The following ALX4 variants were observed in gnomAD, a reference collection of about 807,000 sequenced individuals.
ALX4 encodes the protein ALX homeobox 4.
In ALX4, 22 loss-of-function variants were observed where a neutral mutation model predicts 40.6. That is an observed-to-expected ratio of 0.54 (90% CI 0.39 to 0.77). The LOEUF is 0.77. Among genes scored for constraint, ALX4 ranks in the 30% least tolerant of loss-of-function variants. ALX4 has a pLI of 0.00. For synonymous variants in ALX4, 266 were observed against 240.5 expected (o/e 1.11, Z -0.98); for missense variants, 556 against 564.8 (o/e 0.98, Z 0.16).
At position 44,290,289 on chromosome 11, in the gene ALX4, A is replaced by T. The variant is rs547100501; in HGVS notation, c.467-14631T>A. ...CGAGATGGAGGAGCTTAGATCCTGCACGAGGCAAAATGAAATGATTGAGAA... is the reference window on the plus strand; with the variant it reads ...CGAGATGGAGGAGCTTAGATCCTGCTCGAGGCAAAATGAAATGATTGAGAA... On this transcript the variant is annotated intron_variant, in intron 1 of 3. Transcript: ENST00000652299. Among the ~76,000 whole-genome samples, 17 of 152,388 alleles carry T rather than the reference A, an allele frequency of 1.1e-4. No homozygotes were observed. In the South Asian group the frequency reaches 3.5e-3, roughly 32 times the overall value.
chr11:44,281,136 G>A (rs9804426), intron 1 of ALX4, among the ~76,000 whole-genome samples: 99,074 of 150,900 alleles, frequency 0.66, 32,751 homozygotes, highest in South Asian at 0.78. Context: ...TTTTTTGGCC[G>A]TGATTTAAAG....
Position 44,267,438 on chromosome 11 carries a change from A to G in ALX4, c.906+56T>C, listed in dbSNP as rs994505137. Reference sequence around the variant, plus strand: ...GCCTGGGCTCTCCTCCAAGGGGCTCATTCTCAGAGCACCAGGGGCTGGGGA... The same window carrying G: ...GCCTGGGCTCTCCTCCAAGGGGCTCGTTCTCAGAGCACCAGGGGCTGGGGA... On this transcript the variant is annotated intron_variant, in intron 3 of 3. Coordinates refer to ENST00000652299, the MANE Select transcript of ALX4 (RefSeq NM_021926.4). The G allele has an allele frequency of 7.5e-5, 120 of 1,607,392 alleles. No homozygotes were observed. The Middle Eastern group carries it at 1.6e-3, about 21-fold the overall frequency.
chr11:44,265,247 C>G, intron 3 of ALX4, 64 bp from the exon 4 acceptor site: 1 of 1,443,708 alleles, frequency 6.9e-7, no homozygotes, highest in South Asian at 1.4e-5. Context: ...GGGGCTCGCC[C>G]CTTCCCCCAG....
intron 1 of ALX4, among the ~76,000 whole-genome samples, chr11:44,282,378 T>G (rs1358559951): frequency 3.3e-5 from 5 of 152,176 alleles, no homozygotes; most frequent in Admixed American, 6.5e-5. Flanking sequence ...CACCCGGAAC[T>G]CCCATCCATC....
At chr11:44,278,759 G>C (rs900261978) in intron 1 of ALX4, among the ~76,000 whole-genome samples, 5 of 152,210 alleles carry the variant, frequency 3.3e-5, no homozygotes, top group Non-Finnish European at 5.9e-5. Context: ...TACAAATAGG[G>C]AGAGCGGGGT....
At chr11:44,307,568 T>C (rs1956476487) in intron 1 of ALX4, among the ~76,000 whole-genome samples, 1 of 152,208 alleles carries the variant, frequency 6.6e-6, no homozygotes, top group Admixed American at 6.5e-5. Flanking sequence ...CACTGGTAAT[T>C]TTCATTAAAA....
intron 1 of ALX4, among the ~76,000 whole-genome samples, chr11:44,308,156 CTTGGGGTATGACCACA>C (rs1033633941): frequency 1.3e-5 from 2 of 152,174 alleles, no homozygotes; most frequent in African/African-American, 4.8e-5. Context: ...GGCATGTGTT[CTTGGGGTATGACCACA>C]TCGGCTCCTA....
chr11:44,291,059 C>A (rs1174108779), intron 1 of ALX4, among the ~76,000 whole-genome samples: 1 of 152,146 alleles, frequency 6.6e-6, no homozygotes, highest in Non-Finnish European at 1.5e-5. Flanking sequence ...GTTTCCCGAG[C>A]GGCAGCTCCC....
intron 1 of ALX4, among the ~76,000 whole-genome samples, chr11:44,300,059 C>A (rs1432976618): frequency 6.6e-6 from 1 of 152,164 alleles, no homozygotes; most frequent in African/African-American, 2.4e-5. Context: ...TTGTCTCTGT[C>A]CTGTAGATGG....
intron 1 of ALX4, among the ~76,000 whole-genome samples, chr11:44,303,920 C>T (rs1394642769): frequency 6.6e-6 from 1 of 152,166 alleles, no homozygotes; most frequent in Non-Finnish European, 1.5e-5. Context: ...ATGGGGGTGT[C>T]CCCGGTTTAT....
intron 2 of ALX4, among the ~76,000 whole-genome samples, chr11:44,272,501 C>A (rs1378910837): frequency 2.1e-5 from 2 of 94,726 alleles, no homozygotes; most frequent in Admixed American, 1.2e-4. Context: ...AAGACTCTGT[C>A]TAAAAAAAAA....
At chr11:44,292,089 T>C (rs1410261322) in intron 1 of ALX4, among the ~76,000 whole-genome samples, 3 of 152,140 alleles carry the variant, frequency 2.0e-5, no homozygotes, top group Non-Finnish European at 2.9e-5. Context: ...AGTGCTGGGA[T>C]TACAGGTGTG....
chr11:44,305,558 A>T (rs1343424674), intron 1 of ALX4, among the ~76,000 whole-genome samples: 2 of 152,198 alleles, frequency 1.3e-5, no homozygotes, highest in Non-Finnish European at 2.9e-5. Flanking sequence ...CGTCTCTTGT[A>T]TACAAAACAC....
chr11:44,268,976 A>C lies in ALX4; in HGVS notation c.778-1354T>G, dbSNP rs550412873. Reference sequence around the variant, plus strand: ...GCCCTTCCAGGCCCAGGCATCAAGAAAGCCAACTTTCCTGAGGTCCAGTCC... The same window carrying C: ...GCCCTTCCAGGCCCAGGCATCAAGACAGCCAACTTTCCTGAGGTCCAGTCC... On this transcript the variant is annotated intron_variant, in intron 2 of 3. Transcript: ENST00000652299. 9.8e-5 allele frequency among the ~76,000 whole-genome samples: 15 copies of C among 152,366 alleles called. No homozygotes were observed. In the South Asian group the frequency reaches 3.1e-3, roughly 32 times the overall value.
chr11:44,285,352 C>T (rs1360748855), intron 1 of ALX4, among the ~76,000 whole-genome samples: 9 of 152,234 alleles, frequency 5.9e-5, no homozygotes, highest in Admixed American at 2.0e-4. Flanking sequence ...TTAATGGTTA[C>T]GTAGCGAGAA....
intron 1 of ALX4, among the ~76,000 whole-genome samples, chr11:44,292,832 A>G (rs1015481666): frequency 2.0e-5 from 3 of 152,060 alleles, no homozygotes; most frequent in African/African-American, 4.8e-5. Flanking sequence ...ATGGTAGCTC[A>G]TGCCTGTAAT....
chr11:44,287,929 A>T (rs1956348441), intron 1 of ALX4, among the ~76,000 whole-genome samples: 1 of 152,260 alleles, frequency 6.6e-6, no homozygotes, highest in South Asian at 2.1e-4. Flanking sequence ...ACACTGAAGT[A>T]CTTAGAGGCA....
intron 2 of ALX4, 115 bp from the exon 3 acceptor site, chr11:44,267,737 A>T: frequency 7.0e-7 from 1 of 1,436,578 alleles, no homozygotes. Flanking sequence ...TGCGTTTGGG[A>T]AACGGTGCGG....
rs1405010958 is a variant in ALX4 at position 44,305,258 on chromosome 11, G to A, written c.466+4339C>T. 2.0e-5 allele frequency among the ~76,000 whole-genome samples: 3 copies of A among 152,330 alleles called. No individual in the cohort carries two copies. The East Asian group carries it at 5.8e-4, about 29-fold the overall frequency. On this transcript the variant is annotated intron_variant, in intron 1 of 3. Transcript: ENST00000652299. ...TTATAATAAAGAAAAGATTGTGCAA[G>A]ATCATGCAAGTCGATTGACTTAAAA...
Sources: gnomAD v4.1 joint callset for allele counts (sites outside exome capture counted in the v4.1 genomes callset) on GRCh38, gnomAD v4.1.1 for gene constraint, MANE v1.5 for transcripts, NCBI Gene and HGNC (gene_info 2026-07-23, HGNC 2026-07-21) for gene names.